The following SLC25A17 variants were observed in gnomAD, a reference collection of about 807,000 sequenced individuals.
SLC25A17 encodes peroxisomal membrane protein PMP34.
A neutral mutation model predicts 38.5 loss-of-function variants in SLC25A17; 26 were observed. The observed-to-expected ratio is 0.68, with a 90% CI of 0.50 to 0.94. The LOEUF is 0.94. SLC25A17 is among the 40% of genes least tolerant of loss of function. SLC25A17 has a pLI of 0.00. For missense variants in SLC25A17, 333 were observed against 372.7 expected (o/e 0.89, Z 0.88); for synonymous variants, 139 against 136.2 (o/e 1.02, Z -0.14).
intron 4 of SLC25A17, among the ~76,000 whole-genome samples, chr22:40,791,231 C>A (rs776640049): frequency 6.6e-6 from 1 of 152,112 alleles, no homozygotes; most frequent in Non-Finnish European, 1.5e-5. Context: ...TGGGAAGGCA[C>A]GAAGAGCCTG....
chr22:40,771,402 G>A (rs1444807050), intron 8 of SLC25A17, among the ~76,000 whole-genome samples: 1 of 152,160 alleles, frequency 6.6e-6, no homozygotes, highest in Non-Finnish European at 1.5e-5. Context: ...GAGCCACCGT[G>A]CCAGGCCCTA....
At chr22:40,813,277 C>T (rs1051709441) in intron 1 of SLC25A17, among the ~76,000 whole-genome samples, 15 of 152,304 alleles carry the variant, frequency 9.8e-5, no homozygotes, top group Middle Eastern at 6.8e-3. Flanking sequence ...GTGGCTCACA[C>T]CTGCAATCCC....
At chr22:40,815,796 T>G (rs2057633258) in intron 1 of SLC25A17, among the ~76,000 whole-genome samples, 1 of 152,246 alleles carries the variant, frequency 6.6e-6, no homozygotes. Flanking sequence ...TCAGCTATTA[T>G]GCCATATTTG....
intron 1 of SLC25A17, among the ~76,000 whole-genome samples, chr22:40,809,569 C>A (rs983681569): frequency 1.3e-5 from 2 of 151,798 alleles, no homozygotes; most frequent in African/African-American, 4.8e-5. Context: ...GCTGTTGGGG[C>A]TACAGTAAGC....
intron 1 of SLC25A17, among the ~76,000 whole-genome samples, chr22:40,807,614 C>T (rs2057541391): frequency 6.6e-6 from 1 of 151,920 alleles, no homozygotes; most frequent in African/African-American, 2.4e-5. Flanking sequence ...CTGGGTGTGG[C>T]AGCGTACACC....
chr22:40,818,947 C>A (rs545728080), intron 1 of SLC25A17, among the ~76,000 whole-genome samples: 4 of 152,106 alleles, frequency 2.6e-5, no homozygotes, highest in African/African-American at 7.2e-5. Flanking sequence ...CCTGAGCGGG[C>A]ACGTGTGAAC....
At chr22:40,773,112 C>T (rs529443375) in intron 8 of SLC25A17, among the ~76,000 whole-genome samples, 51 of 152,120 alleles carry the variant, frequency 3.4e-4, no homozygotes, top group Non-Finnish European at 6.9e-4. Context: ...CACAGAGCTA[C>T]TGTTAGGATT....
At chr22:40,816,336 A>C (rs2145716432) in intron 1 of SLC25A17, among the ~76,000 whole-genome samples, 1 of 152,304 alleles carries the variant, frequency 6.6e-6, no homozygotes, top group South Asian at 2.1e-4. Context: ...AGCAGGAGTC[A>C]GAAAACTATG....
chr22:40,810,334 T>C (rs2057568490), intron 1 of SLC25A17, among the ~76,000 whole-genome samples: 1 of 151,564 alleles, frequency 6.6e-6, no homozygotes, highest in African/African-American at 2.4e-5. Context: ...TTCATAGCTA[T>C]GCATTAAATA....
At chr22:40,780,746 A>C (rs2145655050) in intron 4 of SLC25A17, among the ~76,000 whole-genome samples, 1 of 152,352 alleles carries the variant, frequency 6.6e-6, no homozygotes, top group East Asian at 1.9e-4. Context: ...CACCTTTCTA[A>C]ACAAGTGAAA....
chr22:40,800,700 T>C (rs1352537777), intron 1 of SLC25A17, among the ~76,000 whole-genome samples: 2 of 151,322 alleles, frequency 1.3e-5, no homozygotes, highest in Admixed American at 6.6e-5. Flanking sequence ...CCTGGCTTCA[T>C]ACAGTATTTT....
Position 40,770,662 on chromosome 22 carries a change from G to A in SLC25A17, c.*172C>T. The A allele has an allele frequency of 2.0e-6, 1 of 492,106 alleles. No homozygotes were observed. Among genetic ancestry groups the A allele is most frequent in the Non-Finnish European group, 3.3e-6 (1 of 302,310 alleles). 30.5% of individuals were successfully genotyped at this position (492,106 alleles called of 1,614,324 possible). A position where few individuals can be genotyped will look rare whatever the true frequency, so the allele number is the denominator to read the frequency against. ...TCCAACCAGCCAGCATGACAATTAA[G>A]GTGACAACAGGTCCAGTTGGCCATA... On this transcript the variant is annotated 3_prime_UTR_variant, in exon 9 of 9. Coordinates refer to ENST00000435456, the MANE Select transcript of SLC25A17 (RefSeq NM_006358.4).
chr22:40,805,029 C>T (rs1602622075), intron 1 of SLC25A17, among the ~76,000 whole-genome samples: 2 of 152,282 alleles, frequency 1.3e-5, no homozygotes, highest in Admixed American at 6.5e-5. Flanking sequence ...TGGTTAAGTA[C>T]TGCTGTTCTG....
chr22:40,809,469 T>TAA lies in SLC25A17; in HGVS notation c.54+9725_54+9726insTT, dbSNP rs1478274867. Among the ~76,000 whole-genome samples, 110 of 76,032 alleles carry TAA rather than the reference T, an allele frequency of 1.4e-3. 1 individual carries two copies. The Admixed American group carries it at 0.017, about 12-fold the overall frequency. 49.9% of individuals were successfully genotyped at this position (76,032 alleles called of 152,430 possible). ...TAGAAACCCAGTCTCTACAAAAAAA[T>TAA]TAAAAAAAAAAAAATTAGCCAGCGT... On this transcript the variant is annotated intron_variant, in intron 1 of 8. Transcript: ENST00000435456.
chr22:40,774,608 A>G (rs747196648), intron 7 of SLC25A17, among the ~76,000 whole-genome samples: 1 of 152,208 alleles, frequency 6.6e-6, no homozygotes, highest in Non-Finnish European at 1.5e-5. Context: ...AAAGAAAAAA[A>G]TATGCCCAGG....
intron 1 of SLC25A17, among the ~76,000 whole-genome samples, chr22:40,800,789 C>CA (rs150918938): frequency 0.2 from 21,977 of 110,170 alleles, 2,182 homozygotes; most frequent in Non-Finnish European, 0.26. Context: ...GAGTCTGCCT[C>CA]AAAAAAAAAA....
chr22:40,800,085 G>T (rs762308422), intron 1 of SLC25A17, among the ~76,000 whole-genome samples: 10 of 152,128 alleles, frequency 6.6e-5, no homozygotes, highest in Non-Finnish European at 1.3e-4. Flanking sequence ...TATTGTCTTT[G>T]AAATAGTAGT....
chr22:40,796,925 C>A (rs958576957), intron 2 of SLC25A17, among the ~76,000 whole-genome samples: 2 of 151,994 alleles, frequency 1.3e-5, no homozygotes, highest in African/African-American at 4.8e-5. Flanking sequence ...CTAAAACATA[C>A]TGTTAAGTGA....
chr22:40,796,993 A>G (rs930814708), intron 2 of SLC25A17, among the ~76,000 whole-genome samples: 3 of 151,960 alleles, frequency 2.0e-5, no homozygotes, highest in Non-Finnish European at 1.5e-5. Flanking sequence ...AAAGGGAGAG[A>G]AAAAAAAGTA....
Sources: allele counts gnomAD v4.1 joint callset (sites outside exome capture counted in the v4.1 genomes callset), GRCh38; gene constraint gnomAD v4.1.1; transcripts MANE v1.5; gene names NCBI Gene and HGNC (gene_info 2026-07-23, HGNC 2026-07-21).